Variants in GRIK1 observed in about 807,000 individuals in gnomAD.
GRIK1 encodes the protein glutamate receptor ionotropic, kainate 1.
GRIK1 carries 69 observed loss-of-function variants against 105.7 expected under a neutral mutation model. The ratio of observed to expected loss-of-function variants is 0.65; its 90% CI spans 0.54 to 0.80. GRIK1 has a LOEUF of 0.80. GRIK1 is among the 30% of genes least tolerant of loss of function. The probability of loss-of-function intolerance (pLI) is 0.00; values close to 1 mark genes in which losing one functional copy is unlikely to be tolerated. For synonymous variants in GRIK1, 438 were observed against 431.3 expected, an observed-to-expected ratio of 1.02 and a Z score of -0.19; for missense variants, 1,109 against 1,167.3, an observed-to-expected ratio of 0.95 and a Z score of 0.73.
intron 1 of GRIK1, among the ~76,000 whole-genome samples, chr21:29,850,361 A>C (rs541787509): frequency 1.3e-5 from 2 of 152,252 alleles, no homozygotes; most frequent in African/African-American, 4.8e-5. Flanking sequence ...AAAAATCTCT[A>C]TCTTTTCGAT....
At chr21:29,880,502 A>C (rs1386104397) in intron 1 of GRIK1, among the ~76,000 whole-genome samples, 1 of 152,128 alleles carries the variant, frequency 6.6e-6, no homozygotes, top group Non-Finnish European at 1.5e-5. Context: ...GCTTAGCTCT[A>C]CATTCTCATA....
At chr21:29,631,985 A>AC (rs2062285061) in intron 7 of GRIK1, among the ~76,000 whole-genome samples, 1 of 96,294 alleles carries the variant, frequency 1.0e-5, no homozygotes, top group South Asian at 3.5e-4. Flanking sequence ...AATGTGCAGG[A>AC]AAAAAAAAAG....
intron 3 of GRIK1, among the ~76,000 whole-genome samples, chr21:29,688,132 T>C (rs2063519353): frequency 6.6e-6 from 1 of 152,232 alleles, no homozygotes; most frequent in Admixed American, 6.5e-5. Context: ...GCAGGTAAAG[T>C]TCTAAAAATA....
rs1456792893 is a variant in GRIK1, at chr21:29,560,392, CCTTCCTTCCTTTCTTT to C, written c.2356+1216_2356+1231del. On this transcript the variant is annotated intron_variant, in intron 15 of 17. Transcript: ENST00000327783. ...TCCTTCCTTCCTTCCTTCCTTCCTT[CCTTCCTTCCTTTCTTT>C]CTTTCTTTCTTTCTTTCTTTCTTTC... 4.8e-4 allele frequency among the ~76,000 whole-genome samples: 27 copies of C among 55,814 alleles called. 3 individuals are homozygous for C. The highest frequency in any genetic ancestry group is 1.5e-3 in the African/African-American group (14 of 9,540). 36.6% of individuals were successfully genotyped at this position (55,814 alleles called of 152,430 possible).
chr21:29,910,438 C>T (rs2146291237), intron 1 of GRIK1, among the ~76,000 whole-genome samples: 2 of 152,102 alleles, frequency 1.3e-5, no homozygotes, highest in South Asian at 2.1e-4. Context: ...CTGAGAAGGG[C>T]AGAAATTAGC....
intron 1 of GRIK1, among the ~76,000 whole-genome samples, chr21:29,915,726 G>T (rs989513513): frequency 6.6e-6 from 1 of 151,952 alleles, no homozygotes; most frequent in Non-Finnish European, 1.5e-5. Context: ...AAGCTTATAA[G>T]CAAGTTACTT....
At chr21:29,630,870 G>A (rs948101618) in intron 7 of GRIK1, 7 of 310,652 alleles carry the variant, frequency 2.3e-5, no homozygotes, top group African/African-American at 1.6e-4. Flanking sequence ...CGAGATCATG[G>A]CTGTTTGCAA....
chr21:29,607,760 A>G (rs2061652180), intron 7 of GRIK1, among the ~76,000 whole-genome samples: 1 of 152,142 alleles, frequency 6.6e-6, no homozygotes, highest in South Asian at 2.1e-4. Context: ...GTTTCCTGAA[A>G]AGAGGCTAGT....
Position 29,581,397 on chromosome 21 carries a change from G to A in GRIK1, c.1912+28C>T, listed in dbSNP as rs528712392. ...AGCCTGTCAGCACACTGTGGGATGC[G>A]TGTGACAAAGATAGGCAACCGGTGT... On this transcript the variant is annotated intron_variant, in intron 13 of 17. Transcript: ENST00000327783. 7.8e-6 allele frequency: 10 copies of A among 1,283,312 alleles called. No individual in the cohort carries two copies. The East Asian group carries it at 1.4e-4, about 18-fold the overall frequency. The allele number at this position is 1,283,312 out of a possible 1,614,324, so 79.5% of individuals were successfully genotyped here.
intron 1 of GRIK1, among the ~76,000 whole-genome samples, chr21:29,914,721 C>T (rs897684530): frequency 2.0e-5 from 3 of 152,048 alleles, no homozygotes; most frequent in Non-Finnish European, 4.4e-5. Context: ...TTTTGAGATC[C>T]TTTCCCTGCC....
chr21:29,560,526 T>TTCTTTC (rs1257496183), intron 15 of GRIK1, among the ~76,000 whole-genome samples: 1 of 82,790 alleles, frequency 1.2e-5, no homozygotes, highest in South Asian at 4.1e-4. Context: ...CTTCCTTTCT[T>TTCTTTC]TCTTTCTTTC....
At position 29,579,983 on chromosome 21, in the gene GRIK1, G is replaced by A. The variant is rs200857209; in HGVS notation, c.1912+1442C>T. 4.5e-3 allele frequency among the ~76,000 whole-genome samples: 613 copies of A among 137,330 alleles called. 9 individuals carry two copies. The highest frequency in any genetic ancestry group is 0.021 in the Admixed American group (292 of 13,682). 90.1% of individuals were successfully genotyped at this position (137,330 alleles called of 152,430 possible). A position where few individuals can be genotyped will look rare whatever the true frequency, so the allele number is the denominator to read the frequency against. ...TGTGTGTGTATATATATATATATAT[G>A]TGTGTATATATATGTATATATATGT... On this transcript the variant is annotated intron_variant, in intron 13 of 17. Coordinates refer to ENST00000327783, the MANE Select transcript of GRIK1 (RefSeq NM_001330994.2).
intron 7 of GRIK1, among the ~76,000 whole-genome samples, chr21:29,602,067 T>C (rs1321692027): frequency 1.3e-5 from 2 of 152,230 alleles, no homozygotes; most frequent in Non-Finnish European, 2.9e-5. Context: ...AATTTAGTCT[T>C]TAAGCCACTA....
At chr21:29,930,283 A>G (rs962082913) in intron 1 of GRIK1, among the ~76,000 whole-genome samples, 1 of 152,190 alleles carries the variant, frequency 6.6e-6, no homozygotes, top group Non-Finnish European at 1.5e-5. Flanking sequence ...CATCTCATAC[A>G]GTATAAACAC....
At chr21:29,840,619 C>G (rs2067951300) in intron 1 of GRIK1, among the ~76,000 whole-genome samples, 1 of 152,120 alleles carries the variant, frequency 6.6e-6, no homozygotes, top group African/African-American at 2.4e-5. Context: ...GAGGGTGGAT[C>G]AAGTTTGACT....
At chr21:29,603,186 T>A (rs190185442) in intron 7 of GRIK1, among the ~76,000 whole-genome samples, 9 of 152,020 alleles carry the variant, frequency 5.9e-5, no homozygotes, top group African/African-American at 2.2e-4. Context: ...ACCATTCAGA[T>A]AGAGTGGATA....
intron 1 of GRIK1, among the ~76,000 whole-genome samples, chr21:29,888,355 C>T (rs1253940781): frequency 6.7e-6 from 1 of 149,984 alleles, no homozygotes; most frequent in Non-Finnish European, 1.5e-5. Flanking sequence ...GCCTTGACCT[C>T]CTGGGTTCAA....
intron 1 of GRIK1, among the ~76,000 whole-genome samples, chr21:29,869,274 A>C (rs181269808): frequency 3.5e-4 from 54 of 152,314 alleles, no homozygotes; most frequent in African/African-American, 1.3e-3. Context: ...GTACTTGCCA[A>C]GGCAGTCCTG....
intron 4 of GRIK1, among the ~76,000 whole-genome samples, 153 bp downstream of exon 4, chr21:29,672,830 C>T (rs1283616713): frequency 6.6e-6 from 1 of 152,206 alleles, no homozygotes; most frequent in East Asian, 1.9e-4. Context: ...GAGCCCCTTG[C>T]CTGTTTAAAA....
Sources: gnomAD v4.1 joint callset for allele counts (sites outside exome capture counted in the v4.1 genomes callset) on GRCh38, gnomAD v4.1.1 for gene constraint, MANE v1.5 for transcripts, NCBI Gene and HGNC (gene_info 2026-07-23, HGNC 2026-07-21) for gene names.